Variants in TOX observed in about 807,000 individuals in gnomAD.
TOX encodes thymocyte selection-associated high mobility group box protein TOX.
A neutral mutation model predicts 53.7 loss-of-function variants in TOX; 11 were observed. The observed-to-expected ratio is 0.20, with a 90% CI of 0.13 to 0.34. The LOEUF is 0.34. Ranked by LOEUF, TOX falls within the 10% of genes least tolerant of loss-of-function variation. The pLI, the probability that TOX is intolerant of heterozygous loss-of-function variation, is 1.00. For missense variants in TOX, 570 were observed against 664.6 expected, an observed-to-expected ratio of 0.86 and a Z score of 1.56; for synonymous variants, 225 against 245.3, an observed-to-expected ratio of 0.92 and a Z score of 0.77.
chr8:58,878,088 A>G (rs536895089), intron 3 of TOX, among the ~76,000 whole-genome samples: 1 of 152,264 alleles, frequency 6.6e-6, no homozygotes, highest in African/African-American at 2.4e-5. Context: ...GATACTCATC[A>G]CTAGCAGTGC....
intron 1 of TOX, among the ~76,000 whole-genome samples, chr8:59,047,508 G>A (rs1333715256): frequency 6.6e-6 from 1 of 151,916 alleles, no homozygotes; most frequent in Non-Finnish European, 1.5e-5. Flanking sequence ...ACAGGCGTGA[G>A]CCACCGCGCC....
intron 3 of TOX, among the ~76,000 whole-genome samples, chr8:58,935,898 T>C (rs553879159): frequency 2.7e-4 from 41 of 152,354 alleles, no homozygotes; most frequent in African/African-American, 8.9e-4. Flanking sequence ...AAAATGTTGT[T>C]CATCTTTAGA....
At chr8:59,025,448 T>C (rs1315665883) in intron 1 of TOX, among the ~76,000 whole-genome samples, 2 of 146,470 alleles carry the variant, frequency 1.4e-5, no homozygotes, top group Admixed American at 1.4e-4. Flanking sequence ...ATCGGGAAGG[T>C]AGGACTACAC....
intron 3 of TOX, among the ~76,000 whole-genome samples, chr8:58,933,705 G>A (rs182703056): frequency 6.6e-6 from 1 of 152,250 alleles, no homozygotes; most frequent in Admixed American, 6.5e-5. Context: ...CAAATTACAG[G>A]AAAATGCTAG....
At chr8:58,850,543 T>C (rs185104566) in intron 4 of TOX, among the ~76,000 whole-genome samples, 2 of 152,260 alleles carry the variant, frequency 1.3e-5, no homozygotes, top group African/African-American at 4.8e-5. Context: ...ACTGGCTTCA[T>C]ATGTGAGAGT....
At position 58,851,485 on chromosome 8, in the gene TOX, AAT is replaced by A; in HGVS notation, c.693+37_693+38del. On this transcript the variant is annotated intron_variant, in intron 4 of 8. Transcript: ENST00000361421. This position sits in a 1 kb window ranked among gnomAD's most constrained non-coding sequence, Gnocchi z 4.4. The stretch of plus-strand genomic sequence containing the variant: ...GCACAGGTCAAAGAAGGTGCCTAAG[AAT>A]AGTCTCCCATAGGTCCTAAAAATAA... 1 of 1,604,330 alleles carries A rather than the reference AAT, an allele frequency of 6.2e-7. No homozygotes were observed. Among genetic ancestry groups the A allele is most frequent in the Non-Finnish European group, 8.5e-7 (1 of 1,174,676 alleles).
intron 2 of TOX, among the ~76,000 whole-genome samples, chr8:58,945,636 G>A (rs543343903): frequency 2.0e-4 from 31 of 152,262 alleles, no homozygotes; most frequent in African/African-American, 7.2e-4. Flanking sequence ...CTCTTCTGCA[G>A]TCCACATTTC....
At chr8:59,042,151 G>A (rs570779075) in intron 1 of TOX, among the ~76,000 whole-genome samples, 1 of 152,122 alleles carries the variant, frequency 6.6e-6, no homozygotes, top group East Asian at 1.9e-4. Flanking sequence ...ATAGTAAAGG[G>A]TTACGAGCCA....
chr8:58,874,271 G>T (rs897844302), intron 3 of TOX, among the ~76,000 whole-genome samples: 3 of 151,920 alleles, frequency 2.0e-5, no homozygotes, highest in Non-Finnish European at 4.4e-5. Flanking sequence ...AGGAGGGAAA[G>T]TTTTTTAGTT....
chr8:59,019,021 C>T (rs2129419245), intron 1 of TOX, among the ~76,000 whole-genome samples: 1 of 151,936 alleles, frequency 6.6e-6, no homozygotes, highest in East Asian at 1.9e-4. Flanking sequence ...TATTGTTATC[C>T]CATTTTAGTT....
intron 1 of TOX, among the ~76,000 whole-genome samples, chr8:59,030,793 A>G (rs1295643915): frequency 6.6e-6 from 1 of 152,234 alleles, no homozygotes; most frequent in Non-Finnish European, 1.5e-5. Flanking sequence ...TCCTCTGTTA[A>G]CTTTTGGAAA....
chr8:59,043,201 C>CTGTGTGTGTGTG (rs10660376), intron 1 of TOX, among the ~76,000 whole-genome samples: 2,217 of 147,966 alleles, frequency 0.015, 67 homozygotes, highest in African/African-American at 0.052. Context: ...ACTTTCTTTT[C>CTGTGTGTGTGTG]TGTGTGTGTG....
At chr8:59,072,010 T>C (rs1804205552) in intron 1 of TOX, among the ~76,000 whole-genome samples, 2 of 152,188 alleles carry the variant, frequency 1.3e-5, no homozygotes, top group African/African-American at 4.8e-5. Flanking sequence ...GAAGAGATCA[T>C]CTTTTAAGTT....
At position 59,107,056 on chromosome 8, in the gene TOX, G is replaced by T. The variant is rs537120469; in HGVS notation, c.102+11830C>A. The stretch of plus-strand genomic sequence containing the variant: ...TATAAAGCAGTTTGCTGGGGGGGGG[G>T]GGAACGTGACATTTCTAATTCATTC... On this transcript the variant is annotated intron_variant, in intron 1 of 8. Coordinates refer to ENST00000361421, the MANE Select transcript of TOX (RefSeq NM_014729.3). Among the ~76,000 whole-genome samples the T allele has an allele frequency of 1.0e-4, 13 of 126,774 alleles. 1 individual carries two copies. Among genetic ancestry groups the T allele is most frequent in the South Asian group, 8.3e-4 (3 of 3,602 alleles). The allele number at this position is 126,774 out of a possible 152,430, so 83.2% of individuals were successfully genotyped here.
At position 58,815,279 on chromosome 8, in the gene TOX, T is replaced by C. The variant is rs1810153817; in HGVS notation, c.1392+59A>G. 4 of 1,517,302 alleles carry C rather than the reference T, an allele frequency of 2.6e-6. No homozygotes were observed. In the South Asian group the frequency reaches 4.0e-5, roughly 15 times the overall value. The allele number at this position is 1,517,302 out of a possible 1,614,324, so 94.0% of individuals were successfully genotyped here. A position where few individuals can be genotyped will look rare whatever the true frequency, so the allele number is the denominator to read the frequency against. ...TCCTGGATAAACAGCTCCCCCCACC[T>C]CCACCACCACACTTCAGAATAGGGG... On this transcript the variant is annotated intron_variant, in intron 7 of 8. Transcript: ENST00000361421.
intron 1 of TOX, among the ~76,000 whole-genome samples, chr8:58,998,891 T>G (rs893917034): frequency 3.9e-5 from 6 of 151,998 alleles, no homozygotes; most frequent in African/African-American, 1.4e-4. Flanking sequence ...ACTCTCTGAA[T>G]TTTTCCAAGA....
In TOX at chr8:58,951,549, C is replaced by T. The variant is rs145476231; in HGVS notation, c.168+8394G>A. Among the ~76,000 whole-genome samples, 11 of 125,448 alleles carry T rather than the reference C, an allele frequency of 8.8e-5. No individual in the cohort carries two copies. The East Asian group carries it at 2.3e-3, about 26-fold the overall frequency. 82.3% of individuals were successfully genotyped at this position (125,448 alleles called of 152,430 possible). Reference sequence around the variant, plus strand: ...TCCTTGAAGGCAATTTCTGTTGACCCGGTCTCACCTGGCATCCCTATTTTC... The same window carrying T: ...TCCTTGAAGGCAATTTCTGTTGACCTGGTCTCACCTGGCATCCCTATTTTC... On this transcript the variant is annotated intron_variant, in intron 2 of 8. Coordinates refer to ENST00000361421, the MANE Select transcript of TOX (RefSeq NM_014729.3).
At chr8:59,054,167 A>T (rs912352751) in intron 1 of TOX, among the ~76,000 whole-genome samples, 1 of 152,230 alleles carries the variant, frequency 6.6e-6, no homozygotes, top group African/African-American at 2.4e-5. Flanking sequence ...CATAATGCCA[A>T]TTTATTTTAA....
At chr8:58,935,050 G>A (rs908103653) in intron 3 of TOX, among the ~76,000 whole-genome samples, 10 of 152,072 alleles carry the variant, frequency 6.6e-5, no homozygotes, top group African/African-American at 2.4e-4. Context: ...TAATATATTA[G>A]GCATTTGTAG....
Sources: gnomAD v4.1 joint callset for allele counts (sites outside exome capture counted in the v4.1 genomes callset) on GRCh38, gnomAD v4.1.1 for gene constraint, Gnocchi (gnomAD v3.1) non-coding constraint, MANE v1.5 for transcripts, NCBI Gene and HGNC (gene_info 2026-07-23, HGNC 2026-07-21) for gene names.